PCDH11X: variants seen among roughly 807,000 people sequenced by gnomAD.
The protein encoded by PCDH11X is protocadherin-11 X-linked.
A neutral mutation model predicts 53.3 loss-of-function variants in PCDH11X; 18 were observed. The observed-to-expected ratio is 0.34, with a 90% CI of 0.23 to 0.50. The LOEUF (loss-of-function observed/expected upper bound fraction) is 0.50. PCDH11X is among the 20% of genes least tolerant of loss of function. The pLI is 0.98. For synonymous variants in PCDH11X, 279 were observed against 393.3 expected (o/e 0.71, Z 3.44); for missense variants, 570 against 1,032.4 (o/e 0.55, Z 6.14).
At chrX:92,264,837 C>T (rs969252424) in intron 8 of PCDH11X, among the ~76,000 whole-genome samples, 5 of 105,821 alleles carry the variant, frequency 4.7e-5, no homozygotes, top group African/African-American at 1.7e-4. Flanking sequence ...TGTAAATAAT[C>T]GACATAAGGA....
At chrX:92,469,706 T>A (rs1034032305) in intron 10 of PCDH11X, among the ~76,000 whole-genome samples, 7 of 111,525 alleles carry the variant, frequency 6.3e-5, no homozygotes, top group Admixed American at 5.7e-4. Flanking sequence ...TGAAAATGAG[T>A]TTACTGTAGA....
At chrX:92,117,599 TTAAAG>T (rs2064667448) in intron 6 of PCDH11X, among the ~76,000 whole-genome samples, 1 of 111,740 alleles carries the variant, frequency 8.9e-6, no homozygotes, top group Admixed American at 9.6e-5. Context: ...TAATTTTTTA[TTAAAG>T]TAAATACAAG....
intron 6 of PCDH11X, among the ~76,000 whole-genome samples, chrX:92,110,024 C>G (rs2064467511): frequency 8.9e-6 from 1 of 112,263 alleles, no homozygotes; most frequent in African/African-American, 3.2e-5. Flanking sequence ...CATTTTTTCT[C>G]AGCAGTTAAT....
Position 91,878,599 on chromosome X carries a change from C to T in PCDH11X, c.2359C>T (p.Arg787Cys), listed in dbSNP as rs745873370. ...TGCTACACTGATTAATGAACTGGTG[C>T]GCAAAAGCACTGAAGCACCAGTGAC... ...TNATLINELV[R>C]KSTEAPVTPN... The change falls in exon 6 of 11, where the codon CGC (arginine) becomes TGC (cysteine). Residue 787 changes from arginine to cysteine, a missense_variant. By Grantham distance (180) the Arg-to-Cys change is radical. Around this residue, in one of 6 missense-constraint regions of PCDH11X, gnomAD observed 226 missense variants for 457.5 expected, o/e 0.49. Coordinates refer to ENST00000682573, the MANE Select transcript of PCDH11X (RefSeq NM_032968.5). 10 of 1,209,215 alleles carry T rather than the reference C, an allele frequency of 8.3e-6. No homozygotes were observed. Among genetic ancestry groups the T allele is most frequent in the Admixed American group, 4.4e-5 (2 of 45,575 alleles).
chrX:92,406,703 C>A, intron 9 of PCDH11X, among the ~76,000 whole-genome samples: 1 of 97,685 alleles, frequency 1.0e-5, no homozygotes, highest in East Asian at 3.4e-4. Context: ...GCAGGTGGAT[C>A]ACCTGAGGTC....
chrX:91,973,522 T>C (rs1352486140), intron 6 of PCDH11X, among the ~76,000 whole-genome samples: 1 of 108,215 alleles, frequency 9.2e-6, no homozygotes, highest in Non-Finnish European at 1.9e-5. Flanking sequence ...ATGATAAGTA[T>C]GTGAGCTAAT....
At chrX:92,343,880 C>G (rs1397428356) in intron 8 of PCDH11X, among the ~76,000 whole-genome samples, 2 of 111,029 alleles carry the variant, frequency 1.8e-5, no homozygotes, top group Non-Finnish European at 3.8e-5. Context: ...TGTTTACAAA[C>G]TTAGCTAGAT....
chrX:91,802,635 T>G (rs931281627), intron 1 of PCDH11X, among the ~76,000 whole-genome samples: 1 of 111,827 alleles, frequency 8.9e-6, no homozygotes, highest in Admixed American at 9.6e-5. Context: ...GTGATTTGTA[T>G]GGAGAATTGC....
At chrX:92,388,717 AC>A (rs1408412762) in intron 9 of PCDH11X, among the ~76,000 whole-genome samples, 3 of 111,071 alleles carry the variant, frequency 2.7e-5, no homozygotes, top group Admixed American at 9.7e-5. Context: ...GTATGTAGAT[AC>A]AAAAAAGCAT....
intron 6 of PCDH11X, among the ~76,000 whole-genome samples, chrX:91,897,772 G>T (rs1292068467): frequency 9.0e-6 from 1 of 110,540 alleles, no homozygotes; most frequent in African/African-American, 3.3e-5. Context: ...TTAGGAAGCT[G>T]CATTAACTCC....
intron 9 of PCDH11X, among the ~76,000 whole-genome samples, chrX:92,436,565 G>A (rs2072379543): frequency 9.0e-6 from 1 of 111,437 alleles, no homozygotes; most frequent in African/African-American, 3.3e-5. Flanking sequence ...TAAAGACATG[G>A]AATCAAGCTA....
intron 8 of PCDH11X, among the ~76,000 whole-genome samples, chrX:92,341,573 G>C (rs1411890014): frequency 1.8e-5 from 2 of 111,284 alleles, no homozygotes; most frequent in Non-Finnish European, 3.8e-5. Context: ...TAAGGTGAAG[G>C]GGGAGCAGGC....
chrX:92,452,499 GTTT>G (rs1268953024), intron 9 of PCDH11X, among the ~76,000 whole-genome samples: 209 of 35,837 alleles, frequency 5.8e-3, no homozygotes, highest in African/African-American at 0.03. Context: ...ATATATATAT[GTTT>G]TTTTTTTTTT....
At chrX:92,371,814 G>GGTA (rs1434519126) in intron 8 of PCDH11X, among the ~76,000 whole-genome samples, 1 of 109,260 alleles carries the variant, frequency 9.2e-6, no homozygotes, top group Admixed American at 9.9e-5. Flanking sequence ...ATGGCTTTTG[G>GGTA]GTAATAAGGG....
intron 7 of PCDH11X, among the ~76,000 whole-genome samples, chrX:92,232,999 G>A (rs907256174): frequency 8.9e-6 from 1 of 111,949 alleles, no homozygotes; most frequent in Non-Finnish European, 1.9e-5. Flanking sequence ...ACAGGCGTGA[G>A]CCACCGCGCC....
chrX:92,413,404 C>CAT (rs769932929), intron 9 of PCDH11X, among the ~76,000 whole-genome samples: 32 of 59,994 alleles, frequency 5.3e-4, no homozygotes, highest in African/African-American at 2.0e-3. Context: ...TTTAGATCTA[C>CAT]ATATATATAT....
At chrX:92,019,334 G>A (rs2062847301) in intron 6 of PCDH11X, among the ~76,000 whole-genome samples, 1 of 109,213 alleles carries the variant, frequency 9.2e-6, no homozygotes, top group African/African-American at 3.3e-5. Context: ...AAGATATTCA[G>A]GACCTGAACT....
In PCDH11X at chrX:92,062,378, G is replaced by A. The variant is rs185628577; in HGVS notation, c.3034-138997G>A. ...AGTACTATGTTCAATAGGAGTATTA[G>A]AGTGGTCATCTTTGTCTTGTTTCTG... On this transcript the variant is annotated intron_variant, in intron 6 of 10. Coordinates refer to ENST00000682573, the MANE Select transcript of PCDH11X (RefSeq NM_032968.5). Among the ~76,000 whole-genome samples the A allele has an allele frequency of 7.2e-5, 8 of 111,349 alleles. No homozygotes were observed. The East Asian group carries it at 2.0e-3, about 28-fold the overall frequency.
At chrX:92,598,188 A>G (rs1470915442) in intron 10 of PCDH11X, among the ~76,000 whole-genome samples, 1 of 111,251 alleles carries the variant, frequency 9.0e-6, no homozygotes, top group Non-Finnish European at 1.9e-5. Flanking sequence ...TACAAATGGA[A>G]TCATATCCAG....
Sources: allele counts gnomAD v4.1 joint callset (sites outside exome capture counted in the v4.1 genomes callset), GRCh38; gene constraint gnomAD v4.1.1; regional missense constraint gnomAD v4.1.1; transcripts MANE v1.5; gene names NCBI Gene and HGNC (gene_info 2026-07-23, HGNC 2026-07-21).